DIAPH3: variants seen among roughly 807,000 people sequenced by gnomAD.
DIAPH3 encodes diaphanous related formin 3, also known as protein diaphanous homolog 3.
Under a neutral mutation model 144.3 loss-of-function variants are expected in DIAPH3, and 117 were observed. The observed-to-expected ratio is 0.81, with a 90% confidence interval of 0.70 to 0.95. The LOEUF is 0.95. Among genes scored for constraint, DIAPH3 ranks in the 40% least tolerant of loss-of-function variants. The pLI is 0.00. For missense variants in DIAPH3, 1,421 were observed against 1,412.7 expected (o/e 1.01, Z -0.09); for synonymous variants, 519 against 488.9 (o/e 1.06, Z -0.81).
chr13:59,825,036 T>TTTTA (rs34277551), intron 24 of DIAPH3, among the ~76,000 whole-genome samples: 109,250 of 151,256 alleles, frequency 0.72, 39,798 homozygotes, highest in Admixed American at 0.79. Flanking sequence ...GACACATTTA[T>TTTTA]TTTATTTATT....
rs762976893 is a variant in DIAPH3 at position 59,911,754 on chromosome 13, G to C, written c.2348C>G (p.Pro783Arg). 1 of 1,613,482 alleles carries C rather than the reference G, an allele frequency of 6.2e-7. No individual in the cohort carries two copies. Among genetic ancestry groups the C allele is most frequent in the Non-Finnish European group, 8.5e-7 (1 of 1,179,594 alleles). Reference sequence around the variant, plus strand: ...ACTTACCACAACCACAAACTGCTCAGGTTCACATAAGTTGCTATATTCACT... The same window carrying C: ...ACTTACCACAACCACAAACTGCTCACGTTCACATAAGTTGCTATATTCACT... ...FKSEYSNLCE[P>R]EQFVVVMSNV... Residue 783 changes from proline to arginine, a missense_variant, in exon 20 of 28, where the codon CCT becomes CGT. Physicochemically the swap from Pro to Arg is moderately radical, Grantham distance 103. Coordinates refer to ENST00000400324, the MANE Select transcript of DIAPH3 (RefSeq NM_001042517.2).
intron 1 of DIAPH3, chr13:60,144,588 T>C (rs1951418603): frequency 6.6e-6 from 1 of 152,194 alleles, no homozygotes; most frequent in Non-Finnish European, 1.5e-5. Context: ...ATCTCCATTT[T>C]CCCAGAATTC....
chr13:59,687,033 T>G (rs2138665246), intron 27 of DIAPH3, among the ~76,000 whole-genome samples: 1 of 152,084 alleles, frequency 6.6e-6, no homozygotes, highest in South Asian at 2.1e-4. Context: ...AAAGACTGAG[T>G]CTAGACCAAG....
intron 4 of DIAPH3, among the ~76,000 whole-genome samples, chr13:60,044,841 G>A (rs1234644648): frequency 6.6e-6 from 1 of 152,106 alleles, no homozygotes; most frequent in Non-Finnish European, 1.5e-5. Flanking sequence ...CATGAGGACG[G>A]TTACCTCCAT....
At chr13:59,778,580 G>C (rs900974605) in intron 25 of DIAPH3, among the ~76,000 whole-genome samples, 1 of 152,198 alleles carries the variant, frequency 6.6e-6, no homozygotes, top group Non-Finnish European at 1.5e-5. Context: ...ATACATTCCC[G>C]CCACCATTCT....
chr13:59,987,475 T>TAAAAAAAAAA (rs201333360), intron 12 of DIAPH3, among the ~76,000 whole-genome samples: 5 of 70,074 alleles, frequency 7.1e-5, no homozygotes, highest in Admixed American at 1.6e-4. Context: ...TAAAGTATAA[T>TAAAAAAAAAA]AAAAAAAAAA....
At chr13:59,820,286 T>C (rs1382194532) in intron 24 of DIAPH3, among the ~76,000 whole-genome samples, 5 of 151,936 alleles carry the variant, frequency 3.3e-5, no homozygotes, top group Non-Finnish European at 5.9e-5. Context: ...AATGGTTGCA[T>C]CCAATACAAG....
At position 59,936,578 on chromosome 13, in the gene DIAPH3, C is replaced by CATATATCTTAG. The variant is rs1377863783; in HGVS notation, c.2075-11709_2075-11708insCTAAGATATAT. 5.9e-5 allele frequency among the ~76,000 whole-genome samples: 9 copies of CATATATCTTAG among 152,274 alleles called. No homozygotes were observed. In the East Asian group the frequency reaches 1.7e-3, roughly 29 times the overall value. ...TCTATCACATATATCTTAGTGTTAACTGGGTTCATTACAATTTGAGATGAG... is the reference window on the plus strand; with the variant it reads ...TCTATCACATATATCTTAGTGTTAACATATATCTTAGTGGGTTCATTACAATTTGAGATGAG... On this transcript the variant is annotated intron_variant, in intron 17 of 27. Transcript: ENST00000400324.
At chr13:59,908,651 A>T (rs1180373412) in intron 20 of DIAPH3, among the ~76,000 whole-genome samples, 1 of 152,158 alleles carries the variant, frequency 6.6e-6, no homozygotes, top group Non-Finnish European at 1.5e-5. Context: ...GTATCAGTTT[A>T]AATAAAACAC....
At chr13:59,833,803 T>C (rs1160024893) in intron 23 of DIAPH3, among the ~76,000 whole-genome samples, 2 of 151,718 alleles carry the variant, frequency 1.3e-5, no homozygotes, top group Admixed American at 6.6e-5. Context: ...CACAGGGCTA[T>C]TGAGAGGACT....
intron 27 of DIAPH3, among the ~76,000 whole-genome samples, chr13:59,754,369 G>A (rs1461402280): frequency 6.6e-6 from 1 of 152,112 alleles, no homozygotes; most frequent in Non-Finnish European, 1.5e-5. Flanking sequence ...ACTCAACAGC[G>A]TCTGACACGT....
chr13:59,677,858 T>C (rs1209731618), intron 27 of DIAPH3, among the ~76,000 whole-genome samples: 4 of 152,118 alleles, frequency 2.6e-5, no homozygotes, highest in Admixed American at 6.6e-5. Context: ...AATGGCAAAA[T>C]AGACAAAGGC....
At chr13:60,019,414 A>G (rs2141010350) in intron 5 of DIAPH3, among the ~76,000 whole-genome samples, 1 of 152,266 alleles carries the variant, frequency 6.6e-6, no homozygotes, top group South Asian at 2.1e-4. Flanking sequence ...GTATCAGAAA[A>G]AAACTGCTTT....
At chr13:60,066,841 A>G (rs2056987413) in intron 4 of DIAPH3, among the ~76,000 whole-genome samples, 1 of 152,362 alleles carries the variant, frequency 6.6e-6, no homozygotes, top group South Asian at 2.1e-4. Flanking sequence ...AGATTGCTCA[A>G]TCATCAATCT....
chr13:60,085,059 C>G (rs2057702737), intron 4 of DIAPH3, among the ~76,000 whole-genome samples: 1 of 151,972 alleles, frequency 6.6e-6, no homozygotes, highest in South Asian at 2.1e-4. Context: ...TTAATGCCAC[C>G]AACTAGGAAG....
intron 27 of DIAPH3, among the ~76,000 whole-genome samples, chr13:59,698,141 A>T (rs1214340209): frequency 6.6e-6 from 1 of 152,244 alleles, no homozygotes; most frequent in South Asian, 2.1e-4. Context: ...TATGGACAGC[A>T]TCCTTTCAAT....
intron 4 of DIAPH3, among the ~76,000 whole-genome samples, chr13:60,085,313 A>G (rs1295141991): frequency 6.6e-6 from 1 of 152,136 alleles, no homozygotes; most frequent in Non-Finnish European, 1.5e-5. Flanking sequence ...TGAAGCCACC[A>G]TGACTAGATA....
rs553987496 is a variant in DIAPH3 at position 59,825,765 on chromosome 13, T to C, written c.3027+7342A>G. 2.4e-3 allele frequency among the ~76,000 whole-genome samples: 370 copies of C among 152,294 alleles called. 1 individual carries two copies. Among genetic ancestry groups the C allele is most frequent in the African/African-American group, 8.4e-3 (349 of 41,554 alleles). On this transcript the variant is annotated intron_variant, in intron 24 of 27. Transcript: ENST00000400324. ...AGATGGTATCTCATTGTGGTTTTGA[T>C]TTGCATTTCTCTGATGGCCAGTGAT... is the stretch of plus-strand genomic sequence containing the variant.
intron 27 of DIAPH3, among the ~76,000 whole-genome samples, chr13:59,731,682 T>C (rs1028887090): frequency 2.0e-5 from 3 of 152,176 alleles, no homozygotes; most frequent in African/African-American, 7.2e-5. Flanking sequence ...TGAGACATAA[T>C]TGCCATATTC....
Sources: gnomAD v4.1 joint callset for allele counts (sites outside exome capture counted in the v4.1 genomes callset) on GRCh38, gnomAD v4.1.1 for gene constraint, MANE v1.5 for transcripts, NCBI Gene and HGNC (gene_info 2026-07-23, HGNC 2026-07-21) for gene names.